RGS6: variants seen among roughly 807,000 people sequenced by gnomAD.
RGS6 encodes the protein regulator of G protein signaling 6.
Under a neutral mutation model 78.5 loss-of-function variants are expected in RGS6, and 30 were observed. That is an observed-to-expected ratio of 0.38 (90% CI 0.29 to 0.52). The LOEUF (loss-of-function observed/expected upper bound fraction) is 0.52. Ranked by LOEUF, RGS6 falls within the 20% of genes least tolerant of loss-of-function variation. The pLI is 0.85. For synonymous variants in RGS6, 206 were observed against 206.0 expected, an observed-to-expected ratio of 1.00 and a Z score of 0.00; for missense variants, 495 against 609.7, an observed-to-expected ratio of 0.81 and a Z score of 1.98.
chr14:72,155,655 A>G (rs1017038024), intron 2 of RGS6, among the ~76,000 whole-genome samples: 2 of 152,238 alleles, frequency 1.3e-5, no homozygotes, highest in African/African-American at 4.8e-5. Flanking sequence ...CTGATTACCA[A>G]TTATGATTCA....
At chr14:71,986,214 A>G (rs765518598) in intron 2 of RGS6, among the ~76,000 whole-genome samples, 2 of 152,144 alleles carry the variant, frequency 1.3e-5, no homozygotes, top group Non-Finnish European at 2.9e-5. Flanking sequence ...CACTTTATTT[A>G]AATGTTCAAT....
At position 72,562,749 on chromosome 14, in the gene RGS6, G is replaced by A; in HGVS notation, c.*282G>A. The stretch of plus-strand genomic sequence containing the variant: ...AACACTCCACTCGCTAAGAGGCCCT[G>A]ATCCCAGCTCATTCAGGGGAGAACA... On this transcript the variant is annotated 3_prime_UTR_variant, in exon 18 of 18. Transcript: ENST00000553525. 6.5e-7 allele frequency: 1 copy of A among 1,536,014 alleles called. No homozygotes were observed. The highest frequency in any genetic ancestry group is 8.7e-7 in the Non-Finnish European group (1 of 1,146,774).
chr14:72,032,277 T>C (rs1206550418), intron 2 of RGS6, among the ~76,000 whole-genome samples: 1 of 152,200 alleles, frequency 6.6e-6, no homozygotes, highest in Non-Finnish European at 1.5e-5. Context: ...AAAAGAATTA[T>C]AGCAAATTCA....
intron 2 of RGS6, among the ~76,000 whole-genome samples, chr14:72,250,413 A>AAAAAAC (rs1555577324): frequency 2.0e-5 from 3 of 149,522 alleles, no homozygotes; most frequent in Non-Finnish European, 3.0e-5. Context: ...AAAAAAAAAA[A>AAAAAAC]CCCCAAGGGA....
At chr14:72,118,533 G>T in intron 2 of RGS6, among the ~76,000 whole-genome samples, 1 of 152,146 alleles carries the variant, frequency 6.6e-6, no homozygotes, top group East Asian at 1.9e-4. Context: ...CCAGCTGTCT[G>T]CGTGGAAATA....
chr14:71,908,172 A>G, the RGS6 span: 65 of 152,364 alleles, frequency 4.3e-4, 1 homozygote, highest in African/African-American at 1.4e-3. Flanking sequence ...CAGATAATTG[A>G]CAATAGGCTC....
At chr14:72,424,001 T>C (rs1223290573) in intron 3 of RGS6, among the ~76,000 whole-genome samples, 2 of 152,180 alleles carry the variant, frequency 1.3e-5, no homozygotes, top group Non-Finnish European at 1.5e-5. Context: ...CCTCTCCACA[T>C]GTAGCTTCCA....
intron 2 of RGS6, among the ~76,000 whole-genome samples, chr14:72,065,994 C>T (rs1567134270): frequency 6.6e-6 from 1 of 151,268 alleles, no homozygotes; most frequent in South Asian, 2.1e-4. Flanking sequence ...ATGAAGTGGC[C>T]CTCATTATTA....
intron 2 of RGS6, among the ~76,000 whole-genome samples, chr14:72,072,868 C>T (rs568657589): frequency 5.9e-5 from 9 of 152,320 alleles, no homozygotes; most frequent in South Asian, 2.1e-4. Context: ...ATCGTGCTGT[C>T]GTTCTCCAAT....
At chr14:72,383,044 A>T (rs2152899037) in intron 3 of RGS6, among the ~76,000 whole-genome samples, 1 of 150,484 alleles carries the variant, frequency 6.6e-6, no homozygotes, top group South Asian at 2.1e-4. Context: ...GGTGGTGGGT[A>T]CCTTTATTAT....
At chr14:72,428,472 C>T (rs963345821) in intron 3 of RGS6, among the ~76,000 whole-genome samples, 6 of 152,122 alleles carry the variant, frequency 3.9e-5, no homozygotes, top group Admixed American at 3.9e-4. Context: ...GCCCTAGCAG[C>T]ATTTGTTATC....
chr14:72,234,020 T>C (rs760715665), intron 2 of RGS6, among the ~76,000 whole-genome samples: 13 of 152,158 alleles, frequency 8.5e-5, no homozygotes, highest in Non-Finnish European at 1.6e-4. Context: ...ACGGGCATAG[T>C]TGTGCTATGC....
chr14:72,547,275 AGGAGAG>A (rs765516872), intron 17 of RGS6: 2 of 1,535,654 alleles, frequency 1.3e-6, no homozygotes, highest in South Asian at 2.4e-5. Flanking sequence ...GTCACGGTCA[AGGAGAG>A]GAGACCCAAC....
At chr14:72,485,971 G>T (rs1381775259) in intron 12 of RGS6, among the ~76,000 whole-genome samples, 1 of 152,130 alleles carries the variant, frequency 6.6e-6, no homozygotes, top group Non-Finnish European at 1.5e-5. Flanking sequence ...ATCTTGAATT[G>T]TAGTTCCCAT....
intron 2 of RGS6, among the ~76,000 whole-genome samples, chr14:72,079,945 A>C (rs2094747481): frequency 6.6e-6 from 1 of 152,104 alleles, no homozygotes; most frequent in Admixed American, 6.6e-5. Context: ...GTTTTTGAAC[A>C]CTTAGGTGGA....
the RGS6 span, among the ~76,000 whole-genome samples, chr14:72,588,884 G>A: frequency 3.3e-5 from 5 of 152,076 alleles, no homozygotes; most frequent in Admixed American, 2.0e-4. Context: ...AGGGCCCCTG[G>A]GTGTCCCAGG....
At chr14:72,556,794 C>CATTT (rs2097584303) in intron 17 of RGS6, among the ~76,000 whole-genome samples, 1 of 151,992 alleles carries the variant, frequency 6.6e-6, no homozygotes, top group Non-Finnish European at 1.5e-5. Context: ...ATGAATGTAC[C>CATTT]ATTTATTAAT....
chr14:72,258,327 G>A (rs140657616), intron 2 of RGS6, among the ~76,000 whole-genome samples: 2 of 152,194 alleles, frequency 1.3e-5, no homozygotes, highest in African/African-American at 4.8e-5. Flanking sequence ...TCAAACTGGG[G>A]TGTCAGTTCC....
In RGS6 at chr14:72,032,728, A is replaced by G. The variant is rs2091096094; in HGVS notation, c.84+67853A>G. Among the ~76,000 whole-genome samples, 5 of 152,154 alleles carry G rather than the reference A, an allele frequency of 3.3e-5. 1 individual carries two copies. In the South Asian group the frequency reaches 1.0e-3, roughly 32 times the overall value. ...GTATTTGTTTTTTTGTGACTGGTTA[A>G]TGTTACTTAGCATAATGTTCTCAAG... On this transcript the variant is annotated intron_variant, in intron 2 of 17. Transcript: ENST00000553525.
Sources: allele counts gnomAD v4.1 joint callset (sites outside exome capture counted in the v4.1 genomes callset), GRCh38; gene constraint gnomAD v4.1.1; transcripts MANE v1.5; gene names NCBI Gene and HGNC (gene_info 2026-07-23, HGNC 2026-07-21).